Variants in POLR2J3 observed in about 807,000 individuals in gnomAD.
POLR2J3 encodes the protein RNA polymerase II subunit J3, also known as DNA-directed RNA polymerase II subunit RPB11-b2.
For synonymous variants in POLR2J3, 2 were observed against 81.3 expected, an observed-to-expected ratio of 0.02 and a Z score of 5.25; for missense variants, 5 against 204.2, an observed-to-expected ratio of 0.02 and a Z score of 5.95.
At chr7:102,572,274 G>A in intron 1 of POLR2J3, 198 bp downstream of exon 1, 1 of 1,483,754 alleles carries the variant, frequency 6.7e-7, no homozygotes, top group Non-Finnish European at 9.0e-7. Context: ...TCGCCTCCAA[G>A]CCTCAGTGTC....
At chr7:102,570,134 G>GA (rs764044873) in intron 1 of POLR2J3, among the ~76,000 whole-genome samples, 13,803 of 68,700 alleles carry the variant, frequency 0.2, 149 homozygotes, top group African/African-American at 0.3. Flanking sequence ...AAAATACAAA[G>GA]AAAAAAAAAA....
chr7:102,568,443 C>T (rs1318765882), intron 2 of POLR2J3, among the ~76,000 whole-genome samples: 2 of 151,176 alleles, frequency 1.3e-5, no homozygotes, highest in Non-Finnish European at 1.5e-5. Context: ...TCCCACCGGG[C>T]ACCGCAGTGC....
At chr7:102,568,881 C>A (rs1193661934) in intron 2 of POLR2J3, among the ~76,000 whole-genome samples, 1 of 152,000 alleles carries the variant, frequency 6.6e-6, no homozygotes, top group African/African-American at 2.4e-5. Flanking sequence ...CTGGGCAGAC[C>A]CCACTCACAG....
intron 1 of POLR2J3, among the ~76,000 whole-genome samples, chr7:102,570,134 GAA>G (rs764044873): frequency 6.1e-3 from 429 of 70,032 alleles, no homozygotes; most frequent in Middle Eastern, 0.013. Context: ...AAAATACAAA[GAA>G]AAAAAAAAAA....
chr7:102,570,438 TCCTC>T (rs1801201608), intron 1 of POLR2J3, among the ~76,000 whole-genome samples: 1 of 145,288 alleles, frequency 6.9e-6, no homozygotes, highest in South Asian at 2.4e-4. Context: ...TTTTCTGAAT[TCCTC>T]CTTTTTTTTT....
chr7:102,570,453 TCCGG>T (rs1801202872), intron 1 of POLR2J3, among the ~76,000 whole-genome samples: 1 of 144,418 alleles, frequency 6.9e-6, no homozygotes, highest in Non-Finnish European at 1.5e-5. Flanking sequence ...CTTTTTTTTT[TCCGG>T]TAGAGATGGG....
chr7:102,569,675 G>A (rs1450589966), intron 2 of POLR2J3, 160 bp downstream of exon 2: 1 of 618,566 alleles, frequency 1.6e-6, no homozygotes, highest in South Asian at 2.0e-5. Context: ...GGAGGTCGGT[G>A]TCATTTTGAT....
chr7:102,568,311 CA>C (rs1801116125), intron 2 of POLR2J3, 127 bp from the exon 3 acceptor site: 1 of 162,962 alleles, frequency 6.1e-6, no homozygotes, highest in Non-Finnish European at 1.3e-5. Context: ...AAAAAGTCTT[CA>C]AGGAAAGTAA....
At chr7:102,568,510 CA>C (rs1214855173) in intron 2 of POLR2J3, among the ~76,000 whole-genome samples, 7 of 152,194 alleles carry the variant, frequency 4.6e-5, no homozygotes, top group Non-Finnish European at 7.3e-5. Flanking sequence ...GACTCAGACC[CA>C]AAAAGCCCAC....
chr7:102,568,433 T>C (rs1586821794), intron 2 of POLR2J3, among the ~76,000 whole-genome samples: 1 of 150,592 alleles, frequency 6.6e-6, no homozygotes, highest in East Asian at 2.0e-4. Context: ...AGCAACCTCT[T>C]CCCACCGGGC....
chr7:102,568,353 AC>A (rs1801117428), intron 2 of POLR2J3, among the ~76,000 whole-genome samples, 169 bp from the exon 3 acceptor site: 1 of 149,348 alleles, frequency 6.7e-6, no homozygotes, highest in African/African-American at 2.4e-5. Flanking sequence ...ATGTGGGGAC[AC>A]CCTATCCCCG....
intron 2 of POLR2J3, among the ~76,000 whole-genome samples, chr7:102,568,761 C>T (rs1401804357): frequency 1.3e-5 from 2 of 150,832 alleles, no homozygotes; most frequent in African/African-American, 4.8e-5. Flanking sequence ...TAGGTGGCAA[C>T]ACTGAGCTCA....
Position 102,572,293 on chromosome 7 carries a change from C to A in POLR2J3, c.50+179G>T. ...CTCCAAGCCTCAGTGTCCTCATCTGCAAAATGAACACACTCGCGACTGCCT... is the reference window on the plus strand; with the variant it reads ...CTCCAAGCCTCAGTGTCCTCATCTGAAAAATGAACACACTCGCGACTGCCT... On this transcript the variant is annotated intron_variant, in intron 1 of 6. Transcript: ENST00000513506. 3 of 1,523,982 alleles carry A rather than the reference C, an allele frequency of 2.0e-6. 1 individual carries two copies. The East Asian group carries it at 7.4e-5, about 37-fold the overall frequency. 94.4% of individuals were successfully genotyped at this position (1,523,982 alleles called of 1,614,324 possible).
chr7:102,570,109 AC>A (rs1351919348), intron 1 of POLR2J3, among the ~76,000 whole-genome samples, 185 bp from the exon 2 acceptor site: 3,949 of 122,000 alleles, frequency 0.032, 3 homozygotes, highest in African/African-American at 0.12. Context: ...ACATGGCAAA[AC>A]CCTGTCTGTA....
chr7:102,572,428 C>A (rs778016739), intron 1 of POLR2J3, 44 bp downstream of exon 1: 1 of 1,611,772 alleles, frequency 6.2e-7, no homozygotes, highest in Admixed American at 1.7e-5. Context: ...ATGCGACAGC[C>A]GCAGGCCCGC....
chr7:102,572,042 GCCCAAGCTCTCT>G (rs1383379113), intron 1 of POLR2J3: 1 of 611,762 alleles, frequency 1.6e-6, no homozygotes, highest in Non-Finnish European at 2.5e-6. Flanking sequence ...TACAGAGTGA[GCCCAAGCTCTCT>G]CCCCTGGACT....
chr7:102,570,897 G>GTTTT (rs1327007509), intron 1 of POLR2J3, among the ~76,000 whole-genome samples: 7 of 139,366 alleles, frequency 5.0e-5, no homozygotes, highest in African/African-American at 1.8e-4. Context: ...AAGACAAGGG[G>GTTTT]TTTTCAGAGT....
intron 1 of POLR2J3, 48 bp from the exon 2 acceptor site, chr7:102,569,972 C>T (rs1801184533): frequency 1.2e-6 from 1 of 834,962 alleles, no homozygotes; most frequent in Non-Finnish European, 2.1e-6. Flanking sequence ...CTCCCCTCCT[C>T]CCACCCTGAG....
intron 1 of POLR2J3, 199 bp downstream of exon 1, chr7:102,572,273 A>G (rs1202138086): frequency 1.3e-6 from 2 of 1,481,574 alleles, no homozygotes; most frequent in Admixed American, 2.4e-5. Flanking sequence ...CTCGCCTCCA[A>G]GCCTCAGTGT....
Sources: gnomAD v4.1 joint callset for allele counts (sites outside exome capture counted in the v4.1 genomes callset) on GRCh38, gnomAD v4.1.1 for gene constraint, MANE v1.5 for transcripts, NCBI Gene and HGNC (gene_info 2026-07-23, HGNC 2026-07-21) for gene names.